Variants in GEN1 observed in about 807,000 individuals in gnomAD.
GEN1 encodes GEN1 structure-specific endonuclease.
GEN1 carries 64 observed loss-of-function variants against 67.6 expected under a neutral mutation model. The observed-to-expected ratio is 0.95, with a 90% CI of 0.77 to 1.17. The LOEUF (loss-of-function observed/expected upper bound fraction) is 1.17. GEN1 is among the 50% of genes most tolerant of loss of function. GEN1 has a pLI of 0.00. For synonymous variants in GEN1, 371 were observed against 359.4 expected (o/e 1.03, Z -0.37); for missense variants, 1,058 against 1,048.3 (o/e 1.01, Z -0.13).
chr2:17,780,059 A>G lies in GEN1; in HGVS notation c.1346A>G (p.Tyr449Cys). 1 of 1,611,022 alleles carries G rather than the reference A, an allele frequency of 6.2e-7. No homozygotes were observed. Residue 449 changes from tyrosine (Y) to cysteine (C), a missense_variant, in exon 13 of 14, where the codon TAT (tyrosine) becomes TGT (cysteine). Tyr to Cys is a radical substitution (Grantham distance 194). Coordinates refer to ENST00000381254, the MANE Select transcript of GEN1 (RefSeq NM_001130009.3). ...IEEESLFEAA[Y>C]PEIVAVYQKQ... ...GAAGAATCATTGTTTGAAGCAGCATATCCTGAGATCGTTGCTGTTTACCAA... is the reference window on the plus strand; with the variant it reads ...GAAGAATCATTGTTTGAAGCAGCATGTCCTGAGATCGTTGCTGTTTACCAA...
intron 1 of GEN1, among the ~76,000 whole-genome samples, chr2:17,756,971 CAATT>C (rs1463571368): frequency 6.6e-6 from 1 of 152,148 alleles, no homozygotes; most frequent in Non-Finnish European, 1.5e-5. Context: ...GAATGGAAAA[CAATT>C]GATGATGGAA....
intron 1 of GEN1, among the ~76,000 whole-genome samples, chr2:17,756,577 G>A (rs1173529037): frequency 6.6e-6 from 1 of 152,116 alleles, no homozygotes; most frequent in Non-Finnish European, 1.5e-5. Flanking sequence ...AGTTCTTGGT[G>A]TAGTATTTTT....
chr2:17,780,395 G>A lies in GEN1; in HGVS notation c.1409-226G>A, dbSNP rs147040775. On this transcript the variant is annotated intron_variant, in intron 13 of 13. Coordinates refer to ENST00000381254, the MANE Select transcript of GEN1 (RefSeq NM_001130009.3). ...AGCAGCTACTGTTTATAGCATATTCGGATTTTAAATGTTTTCTTTATTTCC... is the reference window on the plus strand; with the variant it reads ...AGCAGCTACTGTTTATAGCATATTCAGATTTTAAATGTTTTCTTTATTTCC... 4.3e-3 allele frequency among the ~76,000 whole-genome samples: 661 copies of A among 152,094 alleles called. 4 individuals are homozygous for A. Among genetic ancestry groups the A allele is most frequent in the Middle Eastern group, 0.014 (4 of 294 alleles).
chr2:17,777,800 T>G (rs1335525510), intron 11 of GEN1, among the ~76,000 whole-genome samples: 1 of 152,016 alleles, frequency 6.6e-6, no homozygotes, highest in East Asian at 1.9e-4. Flanking sequence ...AAGAAACAAC[T>G]TACTTAGAAG....
chr2:17,757,954 A>G (rs370589061), intron 1 of GEN1, among the ~76,000 whole-genome samples: 1 of 152,246 alleles, frequency 6.6e-6, no homozygotes, highest in Non-Finnish European at 1.5e-5. Context: ...GGTTCTTGCC[A>G]TCCCTGAACT....
intron 3 of GEN1, among the ~76,000 whole-genome samples, chr2:17,763,800 G>A (rs754289980): frequency 1.3e-5 from 2 of 152,184 alleles, no homozygotes; most frequent in African/African-American, 4.8e-5. Context: ...CGGGGCCAGC[G>A]TCCTGAAAAG....
intron 6 of GEN1, among the ~76,000 whole-genome samples, chr2:17,770,522 C>G (rs887925373): frequency 6.6e-6 from 1 of 152,188 alleles, no homozygotes; most frequent in Middle Eastern, 3.4e-3. Flanking sequence ...AGAACACATA[C>G]GTTTTATGAT....
At position 17,761,524 on chromosome 2, in the gene GEN1, C is replaced by T; in HGVS notation, c.290C>T (p.Ser97Phe). The T allele has an allele frequency of 5.6e-6, 9 of 1,613,170 alleles. No individual in the cohort carries two copies. Among genetic ancestry groups the T allele is most frequent in the Non-Finnish European group, 7.6e-6 (9 of 1,179,624 alleles). Residue 97 changes from serine (S) to phenylalanine (F), a missense_variant, in exon 3 of 14, where the codon TCT (serine) becomes TTT (phenylalanine). Coordinates refer to ENST00000381254, the MANE Select transcript of GEN1 (RefSeq NM_001130009.3). The stretch of plus-strand genomic sequence containing the variant: ...AGGAATCAGTCTCGGTATGGGTCTT[C>T]TGGAAAATCGTGGTCTCAGAAAACA... The part of the protein sequence containing the change: ...SKRNQSRYGS[S>F]GKSWSQKTGR...
chr2:17,770,001 G>T (rs1476470466), intron 6 of GEN1, among the ~76,000 whole-genome samples: 2 of 152,066 alleles, frequency 1.3e-5, no homozygotes, highest in Non-Finnish European at 2.9e-5. Flanking sequence ...TTCTCTTTTA[G>T]CTGTAAAACT....
At chr2:17,777,220 A>G (rs1328594704) in intron 11 of GEN1, among the ~76,000 whole-genome samples, 1 of 152,212 alleles carries the variant, frequency 6.6e-6, no homozygotes. Flanking sequence ...TACAAGAAAC[A>G]GTGGTCAGCC....
At position 17,783,879 on chromosome 2, in the gene GEN1, T is replaced by C. The variant is rs1672957755; in HGVS notation, c.*1940T>C. ...ATGGATCAAATACCTAAATGTAAGC[T>C]AAAGCTATAAAACTCTTAGAAGAAA... is the stretch of plus-strand genomic sequence containing the variant. On this transcript the variant is annotated 3_prime_UTR_variant, in exon 14 of 14. Transcript: ENST00000381254. 1 of 152,244 alleles carries C rather than the reference T, an allele frequency of 6.6e-6. No individual in the cohort carries two copies. Among genetic ancestry groups the C allele is most frequent in the Admixed American group, 6.5e-5 (1 of 15,284 alleles). 9.4% of individuals were successfully genotyped at this position (152,244 alleles called of 1,614,324 possible). A position where few individuals can be genotyped will look rare whatever the true frequency, so the allele number is the denominator to read the frequency against.
intron 7 of GEN1, among the ~76,000 whole-genome samples, 173 bp from the exon 8 acceptor site, chr2:17,772,461 A>G (rs1672235435): frequency 6.6e-6 from 1 of 152,058 alleles, no homozygotes; most frequent in African/African-American, 2.4e-5. Context: ...CCCAAGAATT[A>G]CTATGGTGTC....
chr2:17,773,298 A>C lies in GEN1; in HGVS notation c.1070A>C (p.Gln357Pro), dbSNP rs201049373. The part of the protein sequence containing the change: ...RYQRPDLLLF[Q>P]RFTLEKMEWP... The stretch of plus-strand genomic sequence containing the variant: ...CAAAGACCTGATTTGTTATTGTTTC[A>C]GGTATCTGAAAATAAATTCTTCTTT... Residue 357 changes from glutamine (Q) to proline (P), a missense_variant and splice_region_variant, in exon 10 of 14, where the codon CAG becomes CCG. Transcript: ENST00000381254. 6.4e-7 allele frequency: 1 copy of C among 1,557,582 alleles called. No homozygotes were observed. The highest frequency in any genetic ancestry group is 8.8e-7 in the Non-Finnish European group (1 of 1,137,600).
intron 5 of GEN1, among the ~76,000 whole-genome samples, chr2:17,768,452 C>G (rs1170509580): frequency 6.6e-6 from 1 of 152,102 alleles, no homozygotes; most frequent in African/African-American, 2.4e-5. Flanking sequence ...AATTATGACC[C>G]TCCCTTCCCT....
Position 17,778,075 on chromosome 2 carries a change from C to G in GEN1, c.1264+12C>G. 1 of 1,500,026 alleles carries G rather than the reference C, an allele frequency of 6.7e-7. No homozygotes were observed. The highest frequency in any genetic ancestry group is 9.3e-7 in the Non-Finnish European group (1 of 1,079,554). The allele number at this position is 1,500,026 out of a possible 1,614,324, so 92.9% of individuals were successfully genotyped here. ...ATGGGAAAAGCCTGGTATGTATTCA[C>G]TTTAAGCAAAATATTCCATTTATAA... On this transcript the variant is annotated intron_variant, in intron 12 of 13. Transcript: ENST00000381254.
chr2:17,780,821 T>C lies in GEN1; in HGVS notation c.1609T>C (p.Cys537Arg), dbSNP rs765356309. The C allele has an allele frequency of 1.1e-5, 18 of 1,613,840 alleles. No homozygotes were observed. In the East Asian group the frequency reaches 2.0e-4, roughly 18 times the overall value. ...NSLLLPKNTPCLNAQEQFMSS... is the reference protein window; with the variant it reads ...NSLLLPKNTPRLNAQEQFMSS... ...CTTGCTTTTACCTAAAAATACTCCA[T>C]GTTTGAATGCACAAGAACAGTTCAT... The change falls in exon 14 of 14, where the codon TGT (cysteine) becomes CGT (arginine). Residue 537 changes from cysteine to arginine, a missense_variant. Coordinates refer to ENST00000381254, the MANE Select transcript of GEN1 (RefSeq NM_001130009.3).
intron 11 of GEN1, among the ~76,000 whole-genome samples, chr2:17,777,120 C>CA (rs915296869): frequency 8.1e-4 from 113 of 138,696 alleles, no homozygotes; most frequent in Admixed American, 3.2e-3. Context: ...GAGCAAGACT[C>CA]AAAAAAAAAA....
Position 17,765,025 on chromosome 2 carries a change from C to G in GEN1, c.477C>G (p.Phe159Leu). Residue 159 changes from phenylalanine to leucine, a missense_variant, in exon 4 of 14, where the codon TTC becomes TTG. Transcript: ENST00000381254. ...DGCLTNDGDT[F>L]LYGAQTVYRN... is the part of the protein sequence containing the mutation. ...GCCTCACCAATGATGGAGATACTTTCCTTTATGGGGCCCAGACTGTTTACA... is the reference window on the plus strand; with the variant it reads ...GCCTCACCAATGATGGAGATACTTTGCTTTATGGGGCCCAGACTGTTTACA... 6.2e-7 allele frequency: 1 copy of G among 1,614,112 alleles called. No homozygotes were observed. The highest frequency in any genetic ancestry group is 2.2e-5 in the East Asian group (1 of 44,886).
In GEN1 at chr2:17,772,731, G is replaced by A. The variant is rs1272655315; in HGVS notation, c.900G>A (p.Trp300Ter). The change falls in exon 8 of 14, where the codon TGG (tryptophan) becomes TGA (stop). Residue 300 changes from tryptophan (W) to a stop codon, truncating the protein, a stop_gained. Transcript: ENST00000381254. LOFTEE classifies it high-confidence loss of function. ...ATGAATACTGCTGTCCTTGTGAGTG[G>A]CACCGTACAGAACATGATAGGCAAC... is the stretch of plus-strand genomic sequence containing the variant. ...HDYEYCCPCE[W>*]HRTEHDRQLS... 6.2e-7 allele frequency: 1 copy of A among 1,611,824 alleles called. No homozygotes were observed. Among genetic ancestry groups the A allele is most frequent in the Non-Finnish European group, 8.5e-7 (1 of 1,178,412 alleles).
Sources: gnomAD v4.1 joint callset for allele counts (sites outside exome capture counted in the v4.1 genomes callset) on GRCh38, gnomAD v4.1.1 for gene constraint, MANE v1.5 for transcripts, NCBI Gene and HGNC (gene_info 2026-07-23, HGNC 2026-07-21) for gene names.